The following PCARE variants were observed in gnomAD, a reference collection of about 807,000 sequenced individuals.
The protein encoded by PCARE is photoreceptor cilium actin regulator.
Under a neutral mutation model 82.2 loss-of-function variants are expected in PCARE, and 72 were observed. The observed-to-expected ratio is 0.88, with a 90% confidence interval of 0.72 to 1.07. The LOEUF (loss-of-function observed/expected upper bound fraction) is 1.07. Ranked by LOEUF, PCARE falls within the 50% of genes least tolerant of loss-of-function variation. The probability of loss-of-function intolerance (pLI) is 0.00; values close to 1 mark genes in which losing one functional copy is unlikely to be tolerated. For missense variants in PCARE, 1,768 were observed against 1,592.4 expected, an observed-to-expected ratio of 1.11 and a Z score of -1.88; for synonymous variants, 705 against 634.8, an observed-to-expected ratio of 1.11 and a Z score of -1.66.
rs753516828 is a variant in PCARE, at chr2:29,074,005, C to T, written c.257G>A (p.Arg86Lys). ...QLMGDPASGK[R>K]KDMEGLIPGT... ...TGGGATCAGTCCTTCCATATCTTTC[C>T]TTTTGCCTGAAGCAGGATCTCCCAT... Residue 86 changes from arginine to lysine, a missense_variant, in exon 1 of 2, where the codon AGG becomes AAG. Transcript: ENST00000331664. 6.2e-7 allele frequency: 1 copy of T among 1,614,152 alleles called. No individual in the cohort carries two copies. Among genetic ancestry groups the T allele is most frequent in the Non-Finnish European group, 8.5e-7 (1 of 1,180,024 alleles).
chr2:29,073,512 A>G lies in PCARE; in HGVS notation c.750T>C (p.Asp250=). 5 of 1,614,126 alleles carry G rather than the reference A, an allele frequency of 3.1e-6. No individual in the cohort carries two copies. The highest frequency in any genetic ancestry group is 4.2e-6 in the Non-Finnish European group (5 of 1,180,000). Reference sequence around the variant, plus strand: ...CTCTTTTCTTCAAAGGCCAAGCCAGATCCTCCCTGACTTCCTGCAGGAGCA... The same window carrying G: ...CTCTTTTCTTCAAAGGCCAAGCCAGGTCCTCCCTGACTTCCTGCAGGAGCA... ...GEVLLQEVRE[D]LAWPLKKREP... is the part of the protein sequence containing the mutation. Residue 250 remains aspartate (D), a synonymous_variant, in exon 1 of 2, where the codon GAT becomes GAC. Coordinates refer to ENST00000331664, the MANE Select transcript of PCARE (RefSeq NM_001029883.3).
At chr2:29,067,169 C>T (rs780276458) in intron 1 of PCARE, among the ~76,000 whole-genome samples, 29 of 152,208 alleles carry the variant, frequency 1.9e-4, no homozygotes, top group Non-Finnish European at 3.4e-4. Context: ...CCTGCATGTC[C>T]GTGCTTGGGG....
Position 29,073,029 on chromosome 2 carries a change from G to A in PCARE, c.1233C>T (p.Asp411=), listed in dbSNP as rs906515882. The change falls in exon 1 of 2, where the codon GAC becomes GAT. Residue 411 remains aspartate, a synonymous_variant. Coordinates refer to ENST00000331664, the MANE Select transcript of PCARE (RefSeq NM_001029883.3). Reference sequence around the variant, plus strand: ...CCATAGGAGCCCCTGAGAGCAGGCAGTCCTGGGGTCTGCCTGAGCCCAAAC... The same window carrying A: ...CCATAGGAGCCCCTGAGAGCAGGCAATCCTGGGGTCTGCCTGAGCCCAAAC... The part of the protein sequence containing the change: ...PFCLGSGRPQ[D]CLLSGAPMAK... The A allele has an allele frequency of 1.9e-6, 3 of 1,614,058 alleles. No individual in the cohort carries two copies. Among genetic ancestry groups the A allele is most frequent in the Admixed American group, 1.7e-5 (1 of 60,008 alleles).
At position 29,071,233 on chromosome 2, in the gene PCARE, C is replaced by T. The variant is rs201772623; in HGVS notation, c.3029G>A (p.Arg1010Gln). 316 of 1,611,008 alleles carry T rather than the reference C, an allele frequency of 2.0e-4. No individual in the cohort carries two copies. Among genetic ancestry groups the T allele is most frequent in the Non-Finnish European group, 2.5e-4 (290 of 1,178,636 alleles). The change falls in exon 1 of 2, where the codon CGG (arginine) becomes CAG (glutamine). Residue 1010 changes from arginine to glutamine, a missense_variant. Transcript: ENST00000331664. ...HWVPQADKRR[R>Q]SLPSSYRPAQ... The stretch of plus-strand genomic sequence containing the variant: ...AGGTCTGTAAGAGGAGGGAAGGCTC[C>T]GGCGCCTCTTGTCTGCTTGAGGCAC...
At position 29,073,553 on chromosome 2, in the gene PCARE, A is replaced by C. The variant is rs1472805468; in HGVS notation, c.709T>G (p.Ser237Ala). ...EEISQLLGEI[S>A]KDGEVLLQEV... ...TGCAGGAGCACTTCTCCATCCTTGG[A>C]GATCTCCCCCAACAGCTGGCTGATC... is the stretch of plus-strand genomic sequence containing the variant. Residue 237 changes from serine to alanine, a missense_variant, in exon 1 of 2, where the codon TCC becomes GCC. Physicochemically the swap from Ser to Ala is moderately conservative, Grantham distance 99 (BLOSUM62 1). Transcript: ENST00000331664. 3 of 1,614,050 alleles carry C rather than the reference A, an allele frequency of 1.9e-6. No homozygotes were observed. Among genetic ancestry groups the C allele is most frequent in the Admixed American group, 1.7e-5 (1 of 60,002 alleles).
Position 29,072,613 on chromosome 2 carries a change from T to C in PCARE, c.1649A>G (p.Glu550Gly). 1.9e-6 allele frequency: 3 copies of C among 1,614,112 alleles called. No individual in the cohort carries two copies. The highest frequency in any genetic ancestry group is 2.5e-6 in the Non-Finnish European group (3 of 1,180,018). ...GGGCACAGGGACAAACTTGATCCTT[T>C]CGCTGATTGACTCCTTCATCTTCAG... ...MILKMKESIS[E>G]RIKFVPVPCG... is the part of the protein sequence containing the mutation. The change falls in exon 1 of 2, where the codon GAA becomes GGA. Residue 550 changes from glutamate (E) to glycine (G), a missense_variant. Physicochemically the swap from Glu to Gly is moderately conservative, Grantham distance 98. Coordinates refer to ENST00000331664, the MANE Select transcript of PCARE (RefSeq NM_001029883.3).
chr2:29,070,528 G>A, intron 1 of PCARE, 66 bp downstream of exon 1: 2 of 1,596,642 alleles, frequency 1.3e-6, no homozygotes, highest in Non-Finnish European at 1.7e-6. Context: ...AGATCTTTTG[G>A]CCCATTCGCT....
rs755678896 is a variant in PCARE at position 29,071,076 on chromosome 2, C to G, written c.3186G>C (p.Glu1062Asp). 1.3e-6 allele frequency: 2 copies of G among 1,492,686 alleles called. No individual in the cohort carries two copies. Among genetic ancestry groups the G allele is most frequent in the East Asian group, 2.3e-5 (1 of 43,052 alleles). 92.5% of individuals were successfully genotyped at this position (1,492,686 alleles called of 1,614,324 possible). Reference sequence around the variant, plus strand: ...GGACCTTGCACTGAGCAGGTGCACTCTCGGGGGGAGGGTTGGGCAACTTGG... The same window carrying G: ...GGACCTTGCACTGAGCAGGTGCACTGTCGGGGGGAGGGTTGGGCAACTTGG... ...HQPKLPNPPP[E>D]SAPAQCKVPS... The change falls in exon 1 of 2, where the codon GAG (glutamate) becomes GAC (aspartate). Residue 1062 changes from glutamate to aspartate, a missense_variant. Coordinates refer to ENST00000331664, the MANE Select transcript of PCARE (RefSeq NM_001029883.3).
In PCARE at chr2:29,065,149, C is replaced by T. The variant is rs1403274692; in HGVS notation, c.3669-82G>A. 6 of 1,437,832 alleles carry T rather than the reference C, an allele frequency of 4.2e-6. No individual in the cohort carries two copies. In the Admixed American group the frequency reaches 1.2e-4, roughly 28 times the overall value. 89.1% of individuals were successfully genotyped at this position (1,437,832 alleles called of 1,614,324 possible). ...GCCCCACCCCTGTCCTCCATTCTCC[C>T]TTTCTGTCCCTCCCCAGCCCTCTCC... On this transcript the variant is annotated intron_variant, in intron 1 of 1. Coordinates refer to ENST00000331664, the MANE Select transcript of PCARE (RefSeq NM_001029883.3).
chr2:29,070,151 G>A (rs527769564), intron 1 of PCARE, among the ~76,000 whole-genome samples: 47 of 152,242 alleles, frequency 3.1e-4, no homozygotes, highest in African/African-American at 1.1e-3. Context: ...TGCAGAACGT[G>A]CAGGTTTGTT....
In PCARE at chr2:29,073,303, C is replaced by T. The variant is rs201617661; in HGVS notation, c.959G>A (p.Arg320His). ...TAGCTGCCTCAGAGCCCTCAGGAGGCGTTCATCCACATTCCTTTTTGTGCT... is the reference window on the plus strand; with the variant it reads ...TAGCTGCCTCAGAGCCCTCAGGAGGTGTTCATCCACATTCCTTTTTGTGCT... ...KLSTKRNVDE[R>H]LLRALRQLES... The change falls in exon 1 of 2, where the codon CGC (arginine) becomes CAC (histidine). Residue 320 changes from arginine to histidine, a missense_variant. Transcript: ENST00000331664. The T allele has an allele frequency of 1.1e-4, 172 of 1,614,134 alleles. No individual in the cohort carries two copies. In the African/African-American group the frequency reaches 1.1e-3, roughly 10 times the overall value.
chr2:29,067,922 T>G (rs1289594478), intron 1 of PCARE, among the ~76,000 whole-genome samples: 1 of 152,196 alleles, frequency 6.6e-6, no homozygotes, highest in African/African-American at 2.4e-5. Context: ...CAAAACAACC[T>G]TTTAGGCTGC....
Position 29,064,808 on chromosome 2 carries a change from C to G in PCARE, c.*61G>C. ...CATCATCTCTGGGTCAGGCTGGACACTTGGCTGTCACACTTGGCCTTCTGG... is the reference window on the plus strand; with the variant it reads ...CATCATCTCTGGGTCAGGCTGGACAGTTGGCTGTCACACTTGGCCTTCTGG... On this transcript the variant is annotated 3_prime_UTR_variant, in exon 2 of 2. Coordinates refer to ENST00000331664, the MANE Select transcript of PCARE (RefSeq NM_001029883.3). The G allele has an allele frequency of 6.3e-7, 1 of 1,599,672 alleles. No individual in the cohort carries two copies. Among genetic ancestry groups the G allele is most frequent in the Non-Finnish European group, 8.5e-7 (1 of 1,177,154 alleles).
In PCARE at chr2:29,071,042, G is replaced by T; in HGVS notation, c.3220C>A (p.Pro1074Thr). The change falls in exon 1 of 2, where the codon CCA (proline) becomes ACA (threonine). Residue 1074 changes from proline to threonine, a missense_variant. Physicochemically the swap from Pro to Thr is conservative, Grantham distance 38. Transcript: ENST00000331664. Reference protein sequence around the residue: ...APAQCKVPSPPTQHPEASPPF... With the variant: ...APAQCKVPSPTTQHPEASPPF... ...GGGCTTGCTTCTGGGTGCTGGGTTG[G>T]GGGGCTGGGGACCTTGCACTGAGCA... The T allele has an allele frequency of 6.3e-7, 1 of 1,585,764 alleles. No homozygotes were observed. The highest frequency in any genetic ancestry group is 8.6e-7 in the Non-Finnish European group (1 of 1,162,230).
intron 1 of PCARE, 138 bp from the exon 2 acceptor site, chr2:29,065,205 T>G: frequency 9.6e-7 from 1 of 1,040,796 alleles, no homozygotes; most frequent in Non-Finnish European, 1.4e-6. Flanking sequence ...GTGCCAGGCC[T>G]CTGCCCTCTG....
intron 1 of PCARE, among the ~76,000 whole-genome samples, chr2:29,066,489 G>T (rs1667391598): frequency 6.6e-6 from 1 of 152,232 alleles, no homozygotes. Context: ...GCACATTCTT[G>T]CCTGATCTGT....
intron 1 of PCARE, among the ~76,000 whole-genome samples, chr2:29,066,627 G>C (rs2148413283): frequency 6.6e-6 from 1 of 152,382 alleles, no homozygotes; most frequent in African/African-American, 2.4e-5. Flanking sequence ...GTGGGTAAGT[G>C]GGGTGGGCGC....
chr2:29,068,155 A>G (rs13425931), intron 1 of PCARE, among the ~76,000 whole-genome samples: 56,279 of 152,084 alleles, frequency 0.37, 11,486 homozygotes, highest in East Asian at 0.69. Flanking sequence ...ATTTATAGAG[A>G]TTCTCAGATG....
In PCARE at chr2:29,073,186, AC is replaced by A; in HGVS notation, c.1075del (p.Val359CysfsTer25). On this transcript the variant is annotated frameshift_variant, in exon 1 of 2. Transcript: ENST00000331664. LOFTEE classifies it high-confidence loss of function. ...DSGIGADNESVQSVDKLGKQT... is the reference protein window; with the variant it reads ...DSGIGADNESXQSVDKLGKQT... ...CTTGCCCAGCTTGTCCACCGACTGC[AC>A]GGACTCATTGTCAGCACCAATGCCA... 6.2e-7 allele frequency: 1 copy of A among 1,614,190 alleles called. No individual in the cohort carries two copies. The highest frequency in any genetic ancestry group is 8.5e-7 in the Non-Finnish European group (1 of 1,180,026).
Sources: gnomAD v4.1 joint callset for allele counts (sites outside exome capture counted in the v4.1 genomes callset) on GRCh38, gnomAD v4.1.1 for gene constraint, MANE v1.5 for transcripts, NCBI Gene and HGNC (gene_info 2026-07-23, HGNC 2026-07-21) for gene names.